Variants in HHAT observed in about 807,000 individuals in gnomAD.
HHAT encodes the protein protein-cysteine N-palmitoyltransferase HHAT.
HHAT carries 47 observed loss-of-function variants against 70.8 expected under a neutral mutation model. The observed-to-expected ratio is 0.66, with a 90% CI of 0.53 to 0.85. HHAT has a LOEUF of 0.85. HHAT is among the 40% of genes least tolerant of loss of function. HHAT has a pLI of 0.00. For missense variants in HHAT, 609 were observed against 604.8 expected (o/e 1.01, Z -0.07); for synonymous variants, 228 against 247.6 (o/e 0.92, Z 0.74).
intron 3 of HHAT, among the ~76,000 whole-genome samples, 182 bp downstream of exon 3, chr1:210,363,101 C>T (rs1385292861): frequency 6.6e-6 from 1 of 152,110 alleles, no homozygotes; most frequent in African/African-American, 2.4e-5. Flanking sequence ...TCTCTATGTT[C>T]TTGTCCCCTG....
At chr1:210,632,654 T>C (rs1048484613) in intron 11 of HHAT, among the ~76,000 whole-genome samples, 3 of 152,218 alleles carry the variant, frequency 2.0e-5, no homozygotes, top group Admixed American at 2.0e-4. Context: ...TATGTCTGCG[T>C]TCGATTTTAC....
intron 7 of HHAT, among the ~76,000 whole-genome samples, chr1:210,460,696 T>C (rs942461764): frequency 5.3e-5 from 8 of 152,198 alleles, no homozygotes; most frequent in Non-Finnish European, 1.0e-4. Context: ...GAGACCATAT[T>C]TGAGCTGGGA....
intron 8 of HHAT, among the ~76,000 whole-genome samples, chr1:210,496,519 G>C (rs1397456159): frequency 1.3e-5 from 2 of 152,204 alleles, no homozygotes; most frequent in African/African-American, 4.8e-5. Flanking sequence ...AGGTTGGGAG[G>C]TGGGGATTGT....
intron 7 of HHAT, among the ~76,000 whole-genome samples, chr1:210,464,266 A>G (rs2094047543): frequency 6.6e-6 from 1 of 152,200 alleles, no homozygotes; most frequent in Non-Finnish European, 1.5e-5. Context: ...GCATCTGTAA[A>G]AGCATGACTC....
At position 210,329,002 on chromosome 1, in the gene HHAT, C is replaced by G; in HGVS notation, c.-146C>G. 7.3e-7 allele frequency: 1 copy of G among 1,377,582 alleles called. No individual in the cohort carries two copies. The highest frequency in any genetic ancestry group is 3.1e-5 in the East Asian group (1 of 32,422). The allele number at this position is 1,377,582 out of a possible 1,614,324, so 85.3% of individuals were successfully genotyped here. Reference sequence around the variant, plus strand: ...GGTGGCGTCCCGGGGAAGCCCGCAGCCGCCGCCGATGTCGCTGGGACTCGG... The same window carrying G: ...GGTGGCGTCCCGGGGAAGCCCGCAGGCGCCGCCGATGTCGCTGGGACTCGG... On this transcript the variant is annotated 5_prime_UTR_variant, in exon 1 of 12. Transcript: ENST00000261458.
intron 9 of HHAT, among the ~76,000 whole-genome samples, chr1:210,554,195 A>G (rs2095552777): frequency 6.6e-6 from 1 of 152,192 alleles, no homozygotes; most frequent in Non-Finnish European, 1.5e-5. Context: ...ACATTATTGT[A>G]TAATGAAAGT....
chr1:210,331,088 A>C (rs2084941695), intron 1 of HHAT, among the ~76,000 whole-genome samples: 1 of 152,166 alleles, frequency 6.6e-6, no homozygotes, highest in Non-Finnish European at 1.5e-5. Context: ...GGCCTCCCAA[A>C]GTGCTGGGAT....
intron 8 of HHAT, among the ~76,000 whole-genome samples, chr1:210,511,712 A>T (rs965489035): frequency 1.3e-5 from 2 of 148,674 alleles, no homozygotes; most frequent in African/African-American, 5.0e-5. Flanking sequence ...TGCAACCACC[A>T]CCCGTTAGGT....
At chr1:210,335,946 T>C (rs1177816655) in intron 1 of HHAT, among the ~76,000 whole-genome samples, 1 of 152,018 alleles carries the variant, frequency 6.6e-6, no homozygotes, top group Non-Finnish European at 1.5e-5. Context: ...TGGATGAATC[T>C]TGTGACACAA....
At chr1:210,527,468 A>G (rs1340783981) in intron 9 of HHAT, among the ~76,000 whole-genome samples, 2 of 152,224 alleles carry the variant, frequency 1.3e-5, no homozygotes, top group Non-Finnish European at 2.9e-5. Context: ...GTACACTTAC[A>G]GTGCTTAGGA....
At chr1:210,376,059 T>G (rs1402788782) in intron 3 of HHAT, among the ~76,000 whole-genome samples, 1 of 147,938 alleles carries the variant, frequency 6.8e-6, no homozygotes, top group Non-Finnish European at 1.5e-5. Flanking sequence ...GATAGGGGGT[T>G]TTGCCATATC....
intron 3 of HHAT, among the ~76,000 whole-genome samples, chr1:210,384,424 A>G (rs1180412205): frequency 1.1e-4 from 17 of 152,162 alleles, no homozygotes; most frequent in African/African-American, 4.1e-4. Flanking sequence ...AGGAAGGCAT[A>G]ATCAGTCATG....
chr1:210,645,469 G>C (rs866592492), intron 11 of HHAT, among the ~76,000 whole-genome samples: 1 of 152,188 alleles, frequency 6.6e-6, no homozygotes, highest in African/African-American at 2.4e-5. Flanking sequence ...TAGTAGAGAT[G>C]GGGTTTCACC....
chr1:210,536,363 ACTTT>A (rs2095371787), intron 9 of HHAT, among the ~76,000 whole-genome samples: 1 of 152,154 alleles, frequency 6.6e-6, no homozygotes, highest in African/African-American at 2.4e-5. Context: ...TCAGTACTGA[ACTTT>A]CTTTGTCTGA....
chr1:210,658,309 G>T (rs981737041), intron 11 of HHAT, among the ~76,000 whole-genome samples: 19 of 152,096 alleles, frequency 1.2e-4, no homozygotes, highest in African/African-American at 4.3e-4. Flanking sequence ...CCCTGCCCCT[G>T]AGGGTGCTCA....
At chr1:210,441,259 G>A (rs2093500763) in intron 7 of HHAT, among the ~76,000 whole-genome samples, 1 of 152,234 alleles carries the variant, frequency 6.6e-6, no homozygotes, top group Admixed American at 6.5e-5. Context: ...ATTTTAGACA[G>A]CAGCAGCTTG....
intron 11 of HHAT, among the ~76,000 whole-genome samples, chr1:210,661,857 G>GA (rs1375914435): frequency 2.6e-5 from 4 of 152,096 alleles, no homozygotes; most frequent in Admixed American, 6.6e-5. Context: ...CAGGGGGAGG[G>GA]TAGCATTAGG....
At chr1:210,454,080 T>C (rs2093811422) in intron 7 of HHAT, among the ~76,000 whole-genome samples, 1 of 152,158 alleles carries the variant, frequency 6.6e-6, no homozygotes, top group Admixed American at 6.5e-5. Context: ...ATCACGAGAA[T>C]AGCGTGGGAA....
chr1:210,344,422 A>G (rs558486573), intron 1 of HHAT, among the ~76,000 whole-genome samples: 1 of 152,206 alleles, frequency 6.6e-6, no homozygotes, highest in South Asian at 2.1e-4. Context: ...CCCACATCCC[A>G]CAGCTGTGCC....
Sources: gnomAD v4.1 joint callset for allele counts (sites outside exome capture counted in the v4.1 genomes callset) on GRCh38, gnomAD v4.1.1 for gene constraint, MANE v1.5 for transcripts, NCBI Gene and HGNC (gene_info 2026-07-23, HGNC 2026-07-21) for gene names.